Variants in CNST observed in about 807,000 individuals in gnomAD.
CNST encodes consortin, connexin sorting protein.
CNST carries 39 observed loss-of-function variants against 72.4 expected under a neutral mutation model. That is an observed-to-expected ratio of 0.54 (90% confidence interval 0.42 to 0.70). The LOEUF is 0.70. CNST is among the 30% of genes least tolerant of loss of function. The pLI is 0.00. For missense variants in CNST, 871 were observed against 868.5 expected, an observed-to-expected ratio of 1.00 and a Z score of -0.04; for synonymous variants, 332 against 320.1, an observed-to-expected ratio of 1.04 and a Z score of -0.40.
chr1:246,611,321 C>T (rs1663303629), intron 2 of CNST, among the ~76,000 whole-genome samples: 1 of 152,076 alleles, frequency 6.6e-6, no homozygotes, highest in South Asian at 2.1e-4. Flanking sequence ...AAAGTTACAT[C>T]TTATAGTTCT....
intron 2 of CNST, among the ~76,000 whole-genome samples, chr1:246,612,170 A>G (rs557418400): frequency 4.2e-4 from 64 of 152,300 alleles, no homozygotes; most frequent in African/African-American, 1.5e-3. Context: ...TTGGAAATGG[A>G]TAGTGGTGAT....
chr1:246,650,332 A>G lies in CNST; in HGVS notation c.1836+2295A>G, dbSNP rs1312982032. ...TTATATTGATCTATTAAGTTAAGCT[A>G]TTTTAAGAACCCCAAAAGCTACATA... On this transcript the variant is annotated intron_variant, in intron 9 of 10. Coordinates refer to ENST00000366513, the MANE Select transcript of CNST (RefSeq NM_152609.3). Among the ~76,000 whole-genome samples the G allele has an allele frequency of 2.6e-5, 4 of 152,302 alleles. No homozygotes were observed. The East Asian group carries it at 7.7e-4, about 29-fold the overall frequency.
intron 1 of CNST, among the ~76,000 whole-genome samples, chr1:246,591,059 G>T (rs1661518742): frequency 6.6e-6 from 1 of 151,738 alleles, no homozygotes; most frequent in Admixed American, 6.6e-5. Context: ...CTGCTGTTTA[G>T]CCAGAGAAGA....
chr1:246,616,384 A>G (rs768222328), intron 2 of CNST, among the ~76,000 whole-genome samples: 25 of 151,720 alleles, frequency 1.6e-4, no homozygotes, highest in Non-Finnish European at 3.1e-4. Flanking sequence ...CACCACCCCC[A>G]CTGCCCCCCC....
intron 6 of CNST, among the ~76,000 whole-genome samples, chr1:246,638,846 G>A (rs1665484474): frequency 6.6e-6 from 1 of 152,182 alleles, no homozygotes; most frequent in African/African-American, 2.4e-5. Flanking sequence ...GTGGCTTCAG[G>A]TAAGAGCATG....
chr1:246,603,864 A>G (rs1194192396), intron 2 of CNST, among the ~76,000 whole-genome samples: 1 of 152,248 alleles, frequency 6.6e-6, no homozygotes. Flanking sequence ...ATGGTTGTAC[A>G]ACACAGTATA....
At chr1:246,586,507 TATATAA>T (rs1317209810) in intron 1 of CNST, among the ~76,000 whole-genome samples, 2 of 149,572 alleles carry the variant, frequency 1.3e-5, no homozygotes, top group Non-Finnish European at 3.0e-5. Context: ...AATATATAAA[TATATAA>T]ATATAAGTAC....
chr1:246,595,765 C>CA lies in CNST; in HGVS notation c.379+3832dup, dbSNP rs927653077. Among the ~76,000 whole-genome samples the CA allele has an allele frequency of 1.1e-3, 168 of 151,060 alleles. 1 individual carries two copies. The highest frequency in any genetic ancestry group is 3.3e-3 in the African/African-American group (136 of 41,112). The stretch of plus-strand genomic sequence containing the variant: ...ATATAAAAATAAAGAAAAAAAAGAC[C>CA]AAAAAAAAGAACATGTAAAATAAAG... On this transcript the variant is annotated intron_variant, in intron 2 of 10. Coordinates refer to ENST00000366513, the MANE Select transcript of CNST (RefSeq NM_152609.3).
chr1:246,573,462 T>C (rs1195995911), intron 1 of CNST, among the ~76,000 whole-genome samples: 1 of 152,242 alleles, frequency 6.6e-6, no homozygotes, highest in Non-Finnish European at 1.5e-5. Context: ...AGTAAAATAG[T>C]ATTTAATTCA....
intron 1 of CNST, among the ~76,000 whole-genome samples, chr1:246,581,068 A>C (rs1056469459): frequency 2.0e-5 from 3 of 151,822 alleles, no homozygotes; most frequent in Non-Finnish European, 4.4e-5. Context: ...TGTAAAAAAA[A>C]TGTAATTCAT....
chr1:246,657,128 T>C (rs1666818871), intron 9 of CNST, among the ~76,000 whole-genome samples: 1 of 152,142 alleles, frequency 6.6e-6, no homozygotes, highest in African/African-American at 2.4e-5. Flanking sequence ...ACTTGTTTCT[T>C]AAGATCTTTA....
intron 10 of CNST, among the ~76,000 whole-genome samples, chr1:246,662,316 A>C (rs544525151): frequency 1.3e-5 from 2 of 152,358 alleles, no homozygotes; most frequent in African/African-American, 4.8e-5. Flanking sequence ...AATGTGAGGC[A>C]CATGTATGAT....
chr1:246,638,657 T>C (rs982039296), intron 6 of CNST, among the ~76,000 whole-genome samples: 3 of 152,156 alleles, frequency 2.0e-5, no homozygotes, highest in Non-Finnish European at 4.4e-5. Flanking sequence ...GCTTCAATAG[T>C]GTGGGCGGGT....
chr1:246,615,207 G>T (rs548356154), intron 2 of CNST, among the ~76,000 whole-genome samples: 3 of 152,154 alleles, frequency 2.0e-5, no homozygotes, highest in African/African-American at 4.8e-5. Flanking sequence ...ACGGAGTCTC[G>T]CTCTGTCACC....
At chr1:246,596,581 C>G (rs148538314) in intron 2 of CNST, among the ~76,000 whole-genome samples, 1 of 152,096 alleles carries the variant, frequency 6.6e-6, no homozygotes, top group Non-Finnish European at 1.5e-5. Context: ...AGATGTAATT[C>G]ATATACATGC....
intron 2 of CNST, among the ~76,000 whole-genome samples, chr1:246,611,604 A>G (rs571889322): frequency 1.3e-5 from 2 of 152,244 alleles, no homozygotes; most frequent in Non-Finnish European, 2.9e-5. Context: ...TGTTTTAGAG[A>G]TGGAAAAAAA....
At chr1:246,611,280 C>T (rs1243136415) in intron 2 of CNST, among the ~76,000 whole-genome samples, 2 of 152,120 alleles carry the variant, frequency 1.3e-5, no homozygotes, top group East Asian at 3.8e-4. Context: ...CTGTCTTGTT[C>T]AGGCATACCT....
chr1:246,607,687 C>T (rs12139292), intron 2 of CNST: 66,819 of 152,040 alleles, frequency 0.44, 16,128 homozygotes, highest in Non-Finnish European at 0.54. Flanking sequence ...TAATGTCTTC[C>T]GGCCAGCCCT....
intron 2 of CNST, among the ~76,000 whole-genome samples, chr1:246,596,876 C>T (rs1479164741): frequency 4.4e-4 from 67 of 152,278 alleles, no homozygotes; most frequent in Non-Finnish European, 5.9e-5. Context: ...ATGGTTGACC[C>T]ATTTTGTAGC....
Sources: gnomAD v4.1 joint callset for allele counts (sites outside exome capture counted in the v4.1 genomes callset) on GRCh38, gnomAD v4.1.1 for gene constraint, MANE v1.5 for transcripts, NCBI Gene and HGNC (gene_info 2026-07-23, HGNC 2026-07-21) for gene names.